DYNAP: variants seen among roughly 807,000 people sequenced by gnomAD.
DYNAP encodes the protein dynactin-associated protein.
A neutral mutation model predicts 8.5 loss-of-function variants in DYNAP; 7 were observed. The ratio of observed to expected loss-of-function variants is 0.82; its 90% confidence interval spans 0.47 to 1.54. The LOEUF (loss-of-function observed/expected upper bound fraction) is 1.54. Among genes scored for constraint, DYNAP ranks in the 40% most tolerant of loss-of-function variants. The probability of loss-of-function intolerance (pLI) is 0.01; values close to 1 mark genes in which losing one functional copy is unlikely to be tolerated. For synonymous variants in DYNAP, 77 were observed against 77.9 expected, an observed-to-expected ratio of 0.99 and a Z score of 0.06; for missense variants, 256 against 224.3, an observed-to-expected ratio of 1.14 and a Z score of -0.90.
At chr18:54,576,641 C>CA in the DYNAP span, among the ~76,000 whole-genome samples, 2 of 91,236 alleles carry the variant, frequency 2.2e-5, no homozygotes, top group Non-Finnish European at 2.9e-5. Flanking sequence ...TCTACAAAAA[C>CA]AATAAAAAAA....
the DYNAP span, among the ~76,000 whole-genome samples, chr18:54,579,045 C>T: frequency 3.0e-4 from 46 of 152,224 alleles, no homozygotes; most frequent in African/African-American, 1.0e-3. Flanking sequence ...ATGGTCCGCC[C>T]GCCTCGGCCT....
chr18:54,595,038 G>A lies in DYNAP; in HGVS notation c.157G>A (p.Val53Ile), dbSNP rs201003364. The change falls in exon 2 of 3, where the codon GTC becomes ATC. Residue 53 changes from valine (V) to isoleucine (I), a missense_variant. Transcript: ENST00000648945. ...TGATGTCTCTCCCAACTTAACTGGGGTCTGCGTGAACCCAGGAATCCTTGC... is the reference window on the plus strand; with the variant it reads ...TGATGTCTCTCCCAACTTAACTGGGATCTGCGTGAACCCAGGAATCCTTGC... ...TSDVSPNLTG[V>I]CVNPGILAHS... 6.2e-7 allele frequency: 1 copy of A among 1,612,830 alleles called. No individual in the cohort carries two copies. Among genetic ancestry groups the A allele is most frequent in the Admixed American group, 1.7e-5 (1 of 59,916 alleles).
upstream of DYNAP, among the ~76,000 whole-genome samples, chr18:54,586,288 G>A (rs1394117131): frequency 6.6e-6 from 1 of 152,058 alleles, no homozygotes; most frequent in Non-Finnish European, 1.5e-5. Context: ...ACAAAAATAA[G>A]GCCCACACAG....
rs1482056189 is a variant in DYNAP at position 54,594,952 on chromosome 18, C to A, written c.71C>A (p.Pro24Gln). 3.3e-5 allele frequency: 53 copies of A among 1,610,398 alleles called. No individual in the cohort carries two copies. The highest frequency in any genetic ancestry group is 4.2e-5 in the Non-Finnish European group (49 of 1,178,168). The part of the protein sequence containing the change: ...HSENQPPITH[P>Q]NDQEAHSSIC... ...CTGCCTTTGTAGCCAATCACACATC[C>A]AAATGACCAAGAGGCTCACAGTTCC... Residue 24 changes from proline (P) to glutamine (Q), a missense_variant, in exon 2 of 3, where the codon CCA becomes CAA. Physicochemically the swap from Pro to Gln is moderately conservative, Grantham distance 76 (BLOSUM62 -1). Coordinates refer to ENST00000648945, the MANE Select transcript of DYNAP (RefSeq NM_173629.3).
chr18:54,591,091 A>C (rs1004289497), upstream of DYNAP: 2 of 1,094,832 alleles, frequency 1.8e-6, no homozygotes, highest in South Asian at 4.6e-5. Context: ...TGCAGTTAAC[A>C]TTTCATTTCC....
Position 54,598,033 on chromosome 18 carries a change from C to T in DYNAP, c.443C>T (p.Thr148Ile). The T allele has an allele frequency of 6.2e-7, 1 of 1,613,546 alleles. No individual in the cohort carries two copies. The highest frequency in any genetic ancestry group is 8.5e-7 in the Non-Finnish European group (1 of 1,179,770). ...TCTCCTGCTTGTCCACCTACAATGA[C>T]CACCACTTCAACTGTACCTGCAAGT... ...TPSPACPPTMTTTSTVPASTA... is the reference protein window; with the variant it reads ...TPSPACPPTMITTSTVPASTA... Residue 148 changes from threonine (T) to isoleucine (I), a missense_variant, in exon 3 of 3, where the codon ACC (threonine) becomes ATC (isoleucine). By Grantham distance (89) the Thr-to-Ile change is moderately conservative. Coordinates refer to ENST00000648945, the MANE Select transcript of DYNAP (RefSeq NM_173629.3).
chr18:54,590,984 T>C (rs1568240603), upstream of DYNAP, among the ~76,000 whole-genome samples: 1 of 152,142 alleles, frequency 6.6e-6, no homozygotes, highest in Non-Finnish European at 1.5e-5. Flanking sequence ...TCCTGAATGA[T>C]GGGACTAAAG....
At chr18:54,583,614 CAG>C (rs1910786783), upstream of DYNAP, among the ~76,000 whole-genome samples, 2 of 152,260 alleles carry the variant, frequency 1.3e-5, no homozygotes, top group South Asian at 4.2e-4. Flanking sequence ...CAATTATTGA[CAG>C]AGTTATGATA....
chr18:54,577,522 A>G, the DYNAP span, among the ~76,000 whole-genome samples: 1 of 150,656 alleles, frequency 6.6e-6, no homozygotes, highest in Non-Finnish European at 1.5e-5. Flanking sequence ...TCAAGGCTAC[A>G]GTGAACCGTG....
upstream of DYNAP, among the ~76,000 whole-genome samples, chr18:54,588,589 T>C: frequency 6.6e-6 from 1 of 152,200 alleles, no homozygotes; most frequent in East Asian, 1.9e-4. Flanking sequence ...ACATTTGGAA[T>C]TGGAAAATTC....
chr18:54,588,715 G>A (rs1275388103), upstream of DYNAP, among the ~76,000 whole-genome samples: 1 of 151,898 alleles, frequency 6.6e-6, no homozygotes, highest in Non-Finnish European at 1.5e-5. Flanking sequence ...TTCAGTAAAG[G>A]AATACTTGGT....
chr18:54,593,826 A>G (rs1911178578), intron 1 of DYNAP, among the ~76,000 whole-genome samples: 1 of 152,112 alleles, frequency 6.6e-6, no homozygotes, highest in Non-Finnish European at 1.5e-5. Context: ...TTGGCTACTC[A>G]GAAGGCTGAG....
At chr18:54,586,021 C>T (rs1910866301), upstream of DYNAP, among the ~76,000 whole-genome samples, 1 of 152,166 alleles carries the variant, frequency 6.6e-6, no homozygotes, top group South Asian at 2.1e-4. Flanking sequence ...TGAGTTGACC[C>T]CAATCTCGGG....
the DYNAP span, among the ~76,000 whole-genome samples, chr18:54,576,369 G>A: frequency 6.6e-6 from 1 of 152,132 alleles, no homozygotes; most frequent in Non-Finnish European, 1.5e-5. Flanking sequence ...CAGTAATAAT[G>A]AGGGTTCAGT....
At chr18:54,593,939 A>C (rs1490194589) in intron 1 of DYNAP, among the ~76,000 whole-genome samples, 1 of 151,676 alleles carries the variant, frequency 6.6e-6, no homozygotes, top group Non-Finnish European at 1.5e-5. Flanking sequence ...ATCTCAACAA[A>C]ACAAAACAGA....
chr18:54,594,676 A>G (rs1230764905), intron 1 of DYNAP, among the ~76,000 whole-genome samples: 2 of 152,156 alleles, frequency 1.3e-5, no homozygotes, highest in Non-Finnish European at 2.9e-5. Context: ...GCAGCTTGCA[A>G]CATAAGGATA....
Position 54,597,794 on chromosome 18 carries a change from T to G in DYNAP, c.223-19T>G. 1 of 1,575,038 alleles carries G rather than the reference T, an allele frequency of 6.3e-7. No homozygotes were observed. The highest frequency in any genetic ancestry group is 8.6e-7 in the Non-Finnish European group (1 of 1,160,194). ...GCATTTTTGTTTTTCATTGCTGATA[T>G]TTTTATATACATGCTTAGGTAAAAG... On this transcript the variant is annotated intron_variant, in intron 2 of 2. Coordinates refer to ENST00000648945, the MANE Select transcript of DYNAP (RefSeq NM_173629.3).
chr18:54,595,293 G>A (rs1378301010), intron 2 of DYNAP, among the ~76,000 whole-genome samples, 190 bp downstream of exon 2: 1 of 152,108 alleles, frequency 6.6e-6, no homozygotes, highest in East Asian at 1.9e-4. Flanking sequence ...ATATTTGCTA[G>A]TCTCTGTTTT....
chr18:54,575,739 G>T, the DYNAP span, among the ~76,000 whole-genome samples: 3 of 151,762 alleles, frequency 2.0e-5, no homozygotes, highest in Non-Finnish European at 4.4e-5. Context: ...GCAGGTACCT[G>T]GCCTCTTTCT....
Sources: gnomAD v4.1 joint callset for allele counts (sites outside exome capture counted in the v4.1 genomes callset) on GRCh38, gnomAD v4.1.1 for gene constraint, MANE v1.5 for transcripts, NCBI Gene and HGNC (gene_info 2026-07-23, HGNC 2026-07-21) for gene names.